PCDHGB5: variants seen among roughly 807,000 people sequenced by gnomAD.
The protein encoded by PCDHGB5 is protocadherin gamma subfamily B, 5.
Under a neutral mutation model 62.9 loss-of-function variants are expected in PCDHGB5, and 48 were observed. The ratio of observed to expected loss-of-function variants is 0.76; its 90% CI spans 0.61 to 0.97. The LOEUF is 0.97. PCDHGB5 is among the 50% of genes least tolerant of loss of function. The pLI is 0.00. For synonymous variants in PCDHGB5, 474 were observed against 511.2 expected, an observed-to-expected ratio of 0.93 and a Z score of 0.98; for missense variants, 1,118 against 1,198.6, an observed-to-expected ratio of 0.93 and a Z score of 0.99.
chr5:141,455,466 A>G (rs1253494886), intron 1 of PCDHGB5, among the ~76,000 whole-genome samples: 1 of 152,164 alleles, frequency 6.6e-6, no homozygotes, highest in East Asian at 1.9e-4. Flanking sequence ...AGCCAGGTAT[A>G]TATGCAGAGG....
In PCDHGB5 at chr5:141,476,182, G is replaced by A. The variant is rs369561139; in HGVS notation, c.2398-18625G>A. On this transcript the variant is annotated intron_variant, in intron 1 of 3. Coordinates refer to ENST00000617380, the MANE Select transcript of PCDHGB5 (RefSeq NM_018925.3). This position sits in a 1 kb window ranked among gnomAD's most constrained non-coding sequence, Gnocchi z 7.6. ...GGAGGGTAGTGGGAGTTTTGCTTCT[G>A]CTTGGTGCCTTGAACAAGGCTTCCA... 5 of 1,613,554 alleles carry A rather than the reference G, an allele frequency of 3.1e-6. No homozygotes were observed. Among genetic ancestry groups the A allele is most frequent in the Admixed American group, 1.7e-5 (1 of 59,996 alleles).
intron 1 of PCDHGB5, among the ~76,000 whole-genome samples, chr5:141,448,434 GA>G (rs1297090877): frequency 1.3e-5 from 2 of 152,050 alleles, no homozygotes; most frequent in South Asian, 4.2e-4. Flanking sequence ...TATATATTGA[GA>G]AGTCTGACTT....
chr5:141,487,616 G>T lies in PCDHGB5; in HGVS notation c.2398-7191G>T. The T allele has an allele frequency of 1.2e-6, 2 of 1,614,220 alleles. No homozygotes were observed. The highest frequency in any genetic ancestry group is 1.7e-6 in the Non-Finnish European group (2 of 1,180,044). ...CTCTGATCTTCTCTATGGGCTAGAGGTGAGACCTTTGCAGGCTCAACAAAT... is the reference window on the plus strand; with the variant it reads ...CTCTGATCTTCTCTATGGGCTAGAGTTGAGACCTTTGCAGGCTCAACAAAT... On this transcript the variant is annotated intron_variant, in intron 1 of 3. Coordinates refer to ENST00000617380, the MANE Select transcript of PCDHGB5 (RefSeq NM_018925.3). This position sits in a 1 kb window ranked among gnomAD's most constrained non-coding sequence, Gnocchi z 5.0.
In PCDHGB5 at chr5:141,488,435, C is replaced by T. The variant is rs111661764; in HGVS notation, c.2398-6372C>T. Among the ~76,000 whole-genome samples, 87 of 152,276 alleles carry T rather than the reference C, an allele frequency of 5.7e-4. 1 individual carries two copies. The highest frequency in any genetic ancestry group is 1.6e-3 in the African/African-American group (67 of 41,546). On this transcript the variant is annotated intron_variant, in intron 1 of 3. Transcript: ENST00000617380. ...AAGCCATCCATGCTTGGCCTCTGAC[C>T]ACCCTCCTGGGTGACCTGATTCAGC...
rs909444391 is a variant in PCDHGB5 at position 141,450,834 on chromosome 5, T to A, written c.2398-43973T>A. On this transcript the variant is annotated intron_variant, in intron 1 of 3. Transcript: ENST00000617380. ...TATTTAATATTATTATTATTATTTT[T>A]TTTTTTTTGAGATGGGGTCTTGCTC... is the stretch of plus-strand genomic sequence containing the variant. 1.2e-3 allele frequency among the ~76,000 whole-genome samples: 172 copies of A among 148,764 alleles called. 3 individuals are homozygous for A. The highest frequency in any genetic ancestry group is 4.1e-3 in the African/African-American group (166 of 40,236).
intron 1 of PCDHGB5, among the ~76,000 whole-genome samples, chr5:141,474,010 C>G (rs989832548): frequency 1.3e-5 from 2 of 152,092 alleles, no homozygotes; most frequent in Admixed American, 1.3e-4. Flanking sequence ...CTGGAAGTTA[C>G]AGTGAGCTAT....
intron 1 of PCDHGB5, among the ~76,000 whole-genome samples, chr5:141,470,152 T>C (rs546219809): frequency 2.6e-5 from 4 of 152,308 alleles, no homozygotes; most frequent in African/African-American, 9.6e-5. Context: ...ATAGATCATC[T>C]TATCAAATCA....
At position 141,430,831 on chromosome 5, in the gene PCDHGB5, G is replaced by A; in HGVS notation, c.2397+30307G>A. ...TGGGAATCCTCCTGGGGACTCTGTGGGAGACCGGATGCACCCAGATACGCT... is the reference window on the plus strand; with the variant it reads ...TGGGAATCCTCCTGGGGACTCTGTGAGAGACCGGATGCACCCAGATACGCT... On this transcript the variant is annotated intron_variant, in intron 1 of 3. Coordinates refer to ENST00000617380, the MANE Select transcript of PCDHGB5 (RefSeq NM_018925.3). 3 of 1,555,334 alleles carry A rather than the reference G, an allele frequency of 1.9e-6. No individual in the cohort carries two copies. In the South Asian group the frequency reaches 3.8e-5, roughly 19 times the overall value.
intron 1 of PCDHGB5, chr5:141,433,165 C>T: frequency 2.5e-6 from 4 of 1,613,470 alleles, no homozygotes; most frequent in Non-Finnish European, 2.5e-6. Context: ...TTTCTAAAGA[C>T]AGTCATGGGT....
At chr5:141,504,738 C>G (rs2099840693) in intron 2 of PCDHGB5, among the ~76,000 whole-genome samples, 1 of 151,874 alleles carries the variant, frequency 6.6e-6, no homozygotes, top group Non-Finnish European at 1.5e-5. Flanking sequence ...GCTTAGGAAG[C>G]CATTGAATTT....
At position 141,415,593 on chromosome 5, in the gene PCDHGB5, G is replaced by A. The variant is rs201857595; in HGVS notation, c.2397+15069G>A. ...TAGATGATTCGAAGTTTCCTATAGA[G>A]GATACCCCATTGGTTCCAGTGAGTT... On this transcript the variant is annotated intron_variant, in intron 1 of 3. Transcript: ENST00000617380. The A allele has an allele frequency of 7.6e-5, 122 of 1,613,876 alleles. No homozygotes were observed. In the East Asian group the frequency reaches 2.7e-3, roughly 35 times the overall value.
intron 1 of PCDHGB5, among the ~76,000 whole-genome samples, chr5:141,452,745 GGAA>G (rs2098748194): frequency 6.6e-6 from 1 of 152,054 alleles, no homozygotes; most frequent in Non-Finnish European, 1.5e-5. Flanking sequence ...AGAGAGAGAA[GGAA>G]GAAGGAAGGG....
intron 1 of PCDHGB5, among the ~76,000 whole-genome samples, chr5:141,483,679 CAGAA>C (rs1470395939): frequency 6.7e-6 from 1 of 149,028 alleles, no homozygotes; most frequent in Non-Finnish European, 1.5e-5. Flanking sequence ...TAAAAGAACA[CAGAA>C]AGCCAGATTC....
At position 141,476,387 on chromosome 5, in the gene PCDHGB5, C is replaced by A. The variant is rs147660262; in HGVS notation, c.2398-18420C>A. ...GACCGGAGAGATGTTTGTGAACGAC[C>A]GTCTGGATCGAGAGGAGCTGTGTGG... is the stretch of plus-strand genomic sequence containing the variant. On this transcript the variant is annotated intron_variant, in intron 1 of 3. Transcript: ENST00000617380. The surrounding 1 kb of genome is among the most constrained non-coding windows in gnomAD (Gnocchi z 7.6). 1.2e-6 allele frequency: 2 copies of A among 1,614,076 alleles called. No individual in the cohort carries two copies. Among genetic ancestry groups the A allele is most frequent in the Non-Finnish European group, 8.5e-7 (1 of 1,180,024 alleles).
chr5:141,413,838 G>A, intron 1 of PCDHGB5: 1 of 1,613,284 alleles, frequency 6.2e-7, no homozygotes, highest in Non-Finnish European at 8.5e-7. Context: ...CCTCCGACGG[G>A]GGTGACCCTC....
chr5:141,421,130 A>G, intron 1 of PCDHGB5: 1 of 827,800 alleles, frequency 1.2e-6, no homozygotes, highest in South Asian at 1.8e-5. Context: ...GCTTTCTGAT[A>G]TATTTTGGAT....
At chr5:141,427,082 C>T (rs1335319344) in intron 1 of PCDHGB5, 1 of 458,118 alleles carries the variant, frequency 2.2e-6, no homozygotes, top group Admixed American at 2.3e-5. Flanking sequence ...CAGCCACTGA[C>T]CAGGATGAGG....
intron 1 of PCDHGB5, chr5:141,419,707 C>G (rs781629810): frequency 6.2e-7 from 1 of 1,613,180 alleles, no homozygotes. Flanking sequence ...AGCCCGGGCT[C>G]TTCAGCCTGG....
In PCDHGB5 at chr5:141,399,645, A is replaced by C. The variant is rs762123604; in HGVS notation, c.1518A>C (p.Gln506His). ...CCTCTTACGTGTCCATGAGCGCGCA[A>C]AGTGGGGTGGTGTTCGCGCAGCGCG... ...ALASYVSMSA[Q>H]SGVVFAQRAF... The change falls in exon 1 of 4, where the codon CAA (glutamine) becomes CAC (histidine). Residue 506 changes from glutamine to histidine, a missense_variant. Physicochemically the swap from Gln to His is conservative, Grantham distance 24 (BLOSUM62 0). Transcript: ENST00000617380. 5.0e-6 allele frequency: 8 copies of C among 1,613,676 alleles called. No homozygotes were observed. Among genetic ancestry groups the C allele is most frequent in the Admixed American group, 1.7e-5 (1 of 59,986 alleles).
Sources: allele counts gnomAD v4.1 joint callset (sites outside exome capture counted in the v4.1 genomes callset), GRCh38; gene constraint gnomAD v4.1.1; non-coding constraint Gnocchi (gnomAD v3.1); transcripts MANE v1.5; gene names NCBI Gene and HGNC (gene_info 2026-07-23, HGNC 2026-07-21).